CHRM3: variants seen among roughly 807,000 people sequenced by gnomAD.
The protein encoded by CHRM3 is cholinergic receptor muscarinic 3, also known as muscarinic acetylcholine receptor M3.
A neutral mutation model predicts 41.8 loss-of-function variants in CHRM3; 11 were observed. That is an observed-to-expected ratio of 0.26 (90% CI 0.17 to 0.44). The LOEUF is 0.44. Ranked by LOEUF, CHRM3 falls within the 20% of genes least tolerant of loss-of-function variation. CHRM3 has a pLI of 1.00. For synonymous variants in CHRM3, 297 were observed against 301.4 expected, an observed-to-expected ratio of 0.99 and a Z score of 0.15; for missense variants, 571 against 745.4, an observed-to-expected ratio of 0.77 and a Z score of 2.72.
At chr1:239,637,517 CTTTTTTTTTT>C (rs149963225) in intron 4 of CHRM3, among the ~76,000 whole-genome samples, 248 of 48,548 alleles carry the variant, frequency 5.1e-3, no homozygotes, top group Middle Eastern at 0.018. Context: ...TCATCAAAGT[CTTTTTTTTTT>C]TTTTTTTTTT....
At chr1:239,622,035 T>A (rs1194792465) in intron 3 of CHRM3, among the ~76,000 whole-genome samples, 1 of 152,140 alleles carries the variant, frequency 6.6e-6, no homozygotes, top group Non-Finnish European at 1.5e-5. Flanking sequence ...CCTAGGGCCC[T>A]GAAGAATTAT....
chr1:239,736,349 C>G (rs1664393419), intron 5 of CHRM3, among the ~76,000 whole-genome samples: 1 of 151,586 alleles, frequency 6.6e-6, no homozygotes, highest in Admixed American at 6.6e-5. Flanking sequence ...TTATTATTAG[C>G]TAAAAAACAA....
rs369968007 is a variant in CHRM3, at chr1:239,777,029, C to T, written c.-146-50223C>T. 4.0e-4 allele frequency among the ~76,000 whole-genome samples: 61 copies of T among 152,264 alleles called. 3 individuals are homozygous for T. The highest frequency in any genetic ancestry group is 1.4e-3 in the African/African-American group (57 of 41,556). ...TCAAGATGAGATTTGGGTGGGGACA[C>T]AGGCAAACCATATCAATAGTATATC... On this transcript the variant is annotated intron_variant, in intron 5 of 6. Transcript: ENST00000676153.
At chr1:239,674,042 G>A (rs1657692565) in intron 4 of CHRM3, among the ~76,000 whole-genome samples, 1 of 152,060 alleles carries the variant, frequency 6.6e-6, no homozygotes, top group Non-Finnish European at 1.5e-5. Context: ...TGCCCAACAA[G>A]TACAAATATT....
chr1:239,717,802 G>A (rs1399606581), intron 5 of CHRM3, among the ~76,000 whole-genome samples: 3 of 151,994 alleles, frequency 2.0e-5, no homozygotes, highest in Non-Finnish European at 2.9e-5. Context: ...CCTTGGGGCC[G>A]TGTCCTCAAG....
chr1:239,790,443 T>G (rs1432077749), intron 5 of CHRM3, among the ~76,000 whole-genome samples: 2 of 152,174 alleles, frequency 1.3e-5, no homozygotes, highest in Admixed American at 1.3e-4. Flanking sequence ...TCTCATGAGA[T>G]CTGATGGTTT....
intron 2 of CHRM3, among the ~76,000 whole-genome samples, chr1:239,495,034 C>T (rs567692710): frequency 6.6e-6 from 1 of 152,270 alleles, no homozygotes; most frequent in African/African-American, 2.4e-5. Context: ...AATTCTTTAA[C>T]ATTTTTCAGC....
intron 4 of CHRM3, among the ~76,000 whole-genome samples, chr1:239,653,253 C>G (rs756438925): frequency 1.8e-4 from 28 of 152,194 alleles, no homozygotes; most frequent in Admixed American, 3.3e-4. Flanking sequence ...GATCTTCTTT[C>G]GGGATTCTAG....
intron 1 of CHRM3, among the ~76,000 whole-genome samples, chr1:239,482,816 GTCA>G (rs1430381331): frequency 6.6e-6 from 1 of 152,096 alleles, no homozygotes; most frequent in African/African-American, 2.4e-5. Context: ...GTAAATATTT[GTCA>G]AATGATTGAA....
intron 3 of CHRM3, among the ~76,000 whole-genome samples, chr1:239,561,039 C>G (rs1660807746): frequency 6.6e-6 from 1 of 152,160 alleles, no homozygotes; most frequent in Non-Finnish European, 1.5e-5. Flanking sequence ...CAGAACACAT[C>G]CCACATCTGC....
intron 3 of CHRM3, among the ~76,000 whole-genome samples, chr1:239,614,884 TC>T (rs1667464091): frequency 6.6e-6 from 1 of 152,188 alleles, no homozygotes; most frequent in Non-Finnish European, 1.5e-5. Context: ...TATTTTTCAA[TC>T]CCAGAAGATG....
chr1:239,749,848 A>T (rs775017871), intron 5 of CHRM3, among the ~76,000 whole-genome samples: 65 of 152,230 alleles, frequency 4.3e-4, no homozygotes, highest in Non-Finnish European at 6.6e-4. Context: ...ACCTCAAAAT[A>T]CTTCATTTAA....
intron 5 of CHRM3, chr1:239,719,187 G>A (rs1343027060): frequency 2.0e-5 from 3 of 151,984 alleles, no homozygotes; most frequent in African/African-American, 7.2e-5. Flanking sequence ...TGCAGGATAT[G>A]TGAAATTGGT....
At chr1:239,722,530 G>A (rs1188629746) in intron 5 of CHRM3, among the ~76,000 whole-genome samples, 4 of 151,770 alleles carry the variant, frequency 2.6e-5, no homozygotes, top group Non-Finnish European at 4.4e-5. Context: ...TTGTGACTTT[G>A]GTTTTTAGTT....
chr1:239,629,953 T>C (rs1033231584), intron 3 of CHRM3, among the ~76,000 whole-genome samples: 1 of 152,218 alleles, frequency 6.6e-6, no homozygotes, highest in African/African-American at 2.4e-5. Context: ...CTGTCATCTG[T>C]ACTTAGAGAT....
chr1:239,423,949 G>A (rs971308702), intron 1 of CHRM3, among the ~76,000 whole-genome samples: 2 of 151,460 alleles, frequency 1.3e-5, no homozygotes, highest in African/African-American at 4.9e-5. Flanking sequence ...CAGCTACTCG[G>A]GAGGCTGAGG....
chr1:239,896,123 C>T (rs1034800786), intron 6 of CHRM3, among the ~76,000 whole-genome samples: 6 of 152,148 alleles, frequency 3.9e-5, no homozygotes, highest in South Asian at 2.1e-4. Context: ...GGGTCTGTGC[C>T]GTCCTGGGAG....
At chr1:239,515,697 A>C (rs1365998309) in intron 2 of CHRM3, among the ~76,000 whole-genome samples, 1 of 152,184 alleles carries the variant, frequency 6.6e-6, no homozygotes, top group Non-Finnish European at 1.5e-5. Flanking sequence ...GCAGGCAGAA[A>C]TTTGCATCTT....
At chr1:239,433,533 G>T (rs1332303386) in intron 1 of CHRM3, among the ~76,000 whole-genome samples, 1 of 152,104 alleles carries the variant, frequency 6.6e-6, no homozygotes, top group Admixed American at 6.6e-5. Context: ...CTTTAGTGGT[G>T]ATTTGTGAGA....
Sources: allele counts gnomAD v4.1 joint callset (sites outside exome capture counted in the v4.1 genomes callset), GRCh38; gene constraint gnomAD v4.1.1; transcripts MANE v1.5; gene names NCBI Gene and HGNC (gene_info 2026-07-23, HGNC 2026-07-21).